The following ITPR2 variants were observed in gnomAD, a reference collection of about 807,000 sequenced individuals.
ITPR2 encodes inositol 1,4,5-trisphosphate-gated calcium channel ITPR2.
A neutral mutation model predicts 317.1 loss-of-function variants in ITPR2; 207 were observed. The observed-to-expected ratio is 0.65, with a 90% CI of 0.58 to 0.73. ITPR2 has a LOEUF of 0.73. Ranked by LOEUF, ITPR2 falls within the 30% of genes least tolerant of loss-of-function variation. ITPR2 has a pLI of 0.00. For missense variants in ITPR2, 2,613 were observed against 3,284.0 expected (o/e 0.80, Z 4.99); for synonymous variants, 1,156 against 1,149.1 (o/e 1.01, Z -0.12).
Position 26,599,238 on chromosome 12 carries a change from AT to A in ITPR2, c.3908del (p.His1303LeufsTer8). On this transcript the variant is annotated frameshift_variant, in exon 30 of 57. Transcript: ENST00000381340. LOFTEE classifies it high-confidence loss of function. ...VQHFVHCIETHGRHVEYLRFL... is the reference protein window; with the variant it reads ...VQHFVHCIETXGRHVEYLRFL... The stretch of plus-strand genomic sequence containing the variant: ...ACCTCAGGTACTCCACGTGGCGGCC[AT>A]GTGTCTCAATGCAGTGCACAAAGTG... The A allele has an allele frequency of 6.2e-7, 1 of 1,614,132 alleles. No homozygotes were observed. The highest frequency in any genetic ancestry group is 8.5e-7 in the Non-Finnish European group (1 of 1,179,958).
chr12:26,415,058 A>T (rs1189626937), intron 51 of ITPR2, among the ~76,000 whole-genome samples: 2 of 152,050 alleles, frequency 1.3e-5, no homozygotes, highest in Non-Finnish European at 2.9e-5. Context: ...CTTTATTGAA[A>T]CTTTCTTACC....
At chr12:26,389,290 C>T (rs373034820) in intron 54 of ITPR2, among the ~76,000 whole-genome samples, 3 of 152,280 alleles carry the variant, frequency 2.0e-5, no homozygotes, top group East Asian at 3.9e-4. Flanking sequence ...CAAGGACCTA[C>T]AAGTAGAGTT....
Position 26,590,302 on chromosome 12 carries a change from A to T in ITPR2, c.4380+5163T>A, listed in dbSNP as rs139769674. Among the ~76,000 whole-genome samples, 364 of 152,336 alleles carry T rather than the reference A, an allele frequency of 2.4e-3. 1 individual carries two copies. The highest frequency in any genetic ancestry group is 8.4e-3 in the African/African-American group (351 of 41,576). On this transcript the variant is annotated intron_variant, in intron 32 of 56. Coordinates refer to ENST00000381340, the MANE Select transcript of ITPR2 (RefSeq NM_002223.4). ...AAATAGGTCACTAGCAAGAATAGTG[A>T]GGAGGTGTTTATAGTAAACACATCT...
rs77880252 is a variant in ITPR2, at chr12:26,571,913, G to T, written c.4630+6800C>A. On this transcript the variant is annotated intron_variant, in intron 34 of 56. Transcript: ENST00000381340. ...GAATGAAGTATTTTTGATGCTAGAT[G>T]AGTTGAGCTACTGTACTTGAGAGCA... Among the ~76,000 whole-genome samples the T allele has an allele frequency of 8.8e-3, 1,341 of 152,256 alleles. 23 individuals carry two copies. Among genetic ancestry groups the T allele is most frequent in the African/African-American group, 0.03 (1,262 of 41,532 alleles).
intron 32 of ITPR2, among the ~76,000 whole-genome samples, chr12:26,590,460 A>T (rs1442439004): frequency 6.6e-6 from 1 of 152,192 alleles, no homozygotes; most frequent in African/African-American, 2.4e-5. Flanking sequence ...CTCAGAAACA[A>T]ATCCACACAC....
chr12:26,588,979 C>T (rs548703081), intron 32 of ITPR2, among the ~76,000 whole-genome samples: 4 of 152,310 alleles, frequency 2.6e-5, no homozygotes, highest in East Asian at 1.9e-4. Context: ...ACCCTCTTTA[C>T]GTGCCTTCTA....
intron 1 of ITPR2, among the ~76,000 whole-genome samples, chr12:26,826,371 G>A (rs1182185690): frequency 6.6e-6 from 1 of 152,148 alleles, no homozygotes; most frequent in East Asian, 1.9e-4. Flanking sequence ...AGAAATTTGA[G>A]GGACTATAAT....
At chr12:26,715,253 C>T (rs774775384) in intron 8 of ITPR2, 46 bp downstream of exon 8, 1 of 1,504,478 alleles carries the variant, frequency 6.6e-7, no homozygotes, top group South Asian at 1.2e-5. Context: ...TGAATCTTCT[C>T]TTTTTGATCT....
chr12:26,686,202 TA>T (rs1203454198), intron 11 of ITPR2, among the ~76,000 whole-genome samples: 3 of 152,052 alleles, frequency 2.0e-5, no homozygotes, highest in Non-Finnish European at 4.4e-5. Flanking sequence ...ACTTTTATAT[TA>T]TTTTTCATTT....
chr12:26,611,638 C>T (rs75060027), intron 26 of ITPR2, among the ~76,000 whole-genome samples: 9,615 of 152,134 alleles, frequency 0.063, 417 homozygotes, highest in Middle Eastern at 0.14. Context: ...TATAGGTATA[C>T]ACACAAATAG....
intron 32 of ITPR2, among the ~76,000 whole-genome samples, chr12:26,589,560 G>A (rs928584972): frequency 4.2e-4 from 63 of 151,284 alleles, no homozygotes; most frequent in East Asian, 4.1e-3. Context: ...AGGCCGAGGC[G>A]GGCAGATCAC....
chr12:26,760,909 G>C (rs1949619248), intron 2 of ITPR2, among the ~76,000 whole-genome samples: 1 of 152,186 alleles, frequency 6.6e-6, no homozygotes, highest in Non-Finnish European at 1.5e-5. Context: ...CATAATTGAA[G>C]GCAATAAGCT....
intron 26 of ITPR2, among the ~76,000 whole-genome samples, chr12:26,617,443 TATC>T (rs1946395439): frequency 6.6e-6 from 1 of 152,114 alleles, no homozygotes. Flanking sequence ...CCAATGTAAA[TATC>T]ATGTCCAGAC....
chr12:26,823,915 A>C (rs190980196), intron 1 of ITPR2, among the ~76,000 whole-genome samples: 192 of 152,358 alleles, frequency 1.3e-3, no homozygotes, highest in African/African-American at 4.2e-3. Flanking sequence ...GTGAGTACTA[A>C]GATTACTAAA....
chr12:26,637,221 A>G (rs1027247390), intron 21 of ITPR2, among the ~76,000 whole-genome samples: 1 of 152,188 alleles, frequency 6.6e-6, no homozygotes, highest in African/African-American at 2.4e-5. Context: ...GCTCTATACC[A>G]GGGACATCTC....
intron 9 of ITPR2, among the ~76,000 whole-genome samples, chr12:26,696,003 C>CA (rs147092805): frequency 0.19 from 28,986 of 151,426 alleles, 3,627 homozygotes; most frequent in East Asian, 0.55. Flanking sequence ...ACAAATTAAA[C>CA]AAAAAAAACC....
intron 5 of ITPR2, 29 bp downstream of exon 5, chr12:26,722,368 T>C: frequency 6.4e-7 from 1 of 1,560,778 alleles, no homozygotes; most frequent in Non-Finnish European, 8.7e-7. Flanking sequence ...ATGAACCCAC[T>C]ATTTCCCTCT....
intron 2 of ITPR2, among the ~76,000 whole-genome samples, chr12:26,785,036 C>T (rs1175185799): frequency 1.0e-4 from 3 of 28,986 alleles, no homozygotes; most frequent in African/African-American, 1.6e-4. Flanking sequence ...CCGGCCGCCC[C>T]GTCTGAGAAG....
chr12:26,490,196 TG>T (rs1942765761), intron 39 of ITPR2, among the ~76,000 whole-genome samples: 2 of 152,164 alleles, frequency 1.3e-5, no homozygotes, highest in African/African-American at 4.8e-5. Flanking sequence ...GAAATTCAAT[TG>T]GAGAGGCAGG....
Sources: gnomAD v4.1 joint callset for allele counts (sites outside exome capture counted in the v4.1 genomes callset) on GRCh38, gnomAD v4.1.1 for gene constraint, MANE v1.5 for transcripts, NCBI Gene and HGNC (gene_info 2026-07-23, HGNC 2026-07-21) for gene names.